Variants in COL6A6 observed in about 807,000 individuals in gnomAD.
COL6A6 encodes the protein collagen alpha-6(VI) chain.
In COL6A6, 183 loss-of-function variants were observed where a neutral mutation model predicts 208.6. The ratio of observed to expected loss-of-function variants is 0.88; its 90% CI spans 0.78 to 0.99. The LOEUF (loss-of-function observed/expected upper bound fraction) is 0.99, where lower values mean the gene tolerates loss of function less well. Among genes scored for constraint, COL6A6 ranks in the 50% least tolerant of loss-of-function variants. The probability of loss-of-function intolerance (pLI) is 0.00; values close to 1 mark genes in which losing one functional copy is unlikely to be tolerated. For synonymous variants in COL6A6, 973 were observed against 1,011.8 expected (o/e 0.96, Z 0.73); for missense variants, 2,816 against 2,815.2 (o/e 1.00, Z -0.01).
intron 18 of COL6A6, among the ~76,000 whole-genome samples, chr3:130,597,778 A>AT (rs1470215751): frequency 6.6e-6 from 1 of 152,132 alleles, no homozygotes; most frequent in Non-Finnish European, 1.5e-5. Flanking sequence ...AAATTTCAGG[A>AT]TTTTTTGGAA....
chr3:130,566,594 C>T (rs1228692286), intron 4 of COL6A6, 108 bp from the exon 5 acceptor site: 2 of 872,706 alleles, frequency 2.3e-6, no homozygotes, highest in Admixed American at 2.9e-5. Context: ...GAAGCTGTTT[C>T]CCATTTTTCT....
chr3:130,539,973 G>A (rs2062322419), intron 1 of COL6A6, among the ~76,000 whole-genome samples: 1 of 152,082 alleles, frequency 6.6e-6, no homozygotes, highest in Admixed American at 6.5e-5. Flanking sequence ...CTAACCCACA[G>A]TTCATTACAT....
intron 1 of COL6A6, among the ~76,000 whole-genome samples, chr3:130,549,923 A>C (rs998500367): frequency 6.6e-6 from 1 of 152,190 alleles, no homozygotes; most frequent in Non-Finnish European, 1.5e-5. Context: ...TCTGAAGAAT[A>C]TCATTGCTAG....
intron 28 of COL6A6, among the ~76,000 whole-genome samples, chr3:130,640,089 AGAG>A (rs201830590): frequency 0.015 from 2,339 of 152,328 alleles, 38 homozygotes; most frequent in Non-Finnish European, 0.021. Context: ...TTGAGAATAG[AGAG>A]GAGATTTGGA....
rs759085086 is a variant in COL6A6 at position 130,570,996 on chromosome 3, G to A, written c.2580G>A (p.Leu860=). 1 of 1,614,028 alleles carries A rather than the reference G, an allele frequency of 6.2e-7. No homozygotes were observed. The highest frequency in any genetic ancestry group is 1.1e-5 in the South Asian group (1 of 91,080). ...AGTATGCTGATGACCCAGAGGTGCT[G>A]TTTTATCTGGATGACTTTGGCACAA... ...ALKYADDPEV[L]FYLDDFGTKL... Residue 860 remains leucine (L), a synonymous_variant, in exon 7 of 37, where the codon CTG becomes CTA. Transcript: ENST00000358511.
chr3:130,585,905 G>A (rs2063529446), intron 10 of COL6A6, among the ~76,000 whole-genome samples: 1 of 152,212 alleles, frequency 6.6e-6, no homozygotes. Context: ...CCCAGGTGAT[G>A]CCAGTGCTGC....
chr3:130,634,242 T>TAA (rs202193097), intron 26 of COL6A6, among the ~76,000 whole-genome samples: 4 of 23,806 alleles, frequency 1.7e-4, no homozygotes, highest in East Asian at 1.0e-3. Context: ...AATAAATAAA[T>TAA]AAAAAAAAAA....
chr3:130,670,311 G>A (rs2066180302), intron 36 of COL6A6, among the ~76,000 whole-genome samples: 1 of 152,216 alleles, frequency 6.6e-6, no homozygotes, highest in African/African-American at 2.4e-5. Context: ...TGTTAAAGCA[G>A]TGTTTTCACC....
chr3:130,649,199 G>A lies in COL6A6; in HGVS notation c.5370G>A (p.Arg1790=). 1 of 1,593,978 alleles carries A rather than the reference G, an allele frequency of 6.3e-7. No homozygotes were observed. The highest frequency in any genetic ancestry group is 8.5e-7 in the Non-Finnish European group (1 of 1,170,086). The change falls in exon 33 of 37, where the codon CGG becomes CGA. Residue 1790 remains arginine, a synonymous_variant. Transcript: ENST00000358511. ...TCCTGGTGAGAGACATTAAGGTCCG[G>A]GAGAACAGCTGCCCCGTGGGAGCGC... ...MAFLVRDIKV[R]ENSCPVGAHI... is the part of the protein sequence containing the mutation.
chr3:130,569,734 C>T (rs2063115085), intron 6 of COL6A6, among the ~76,000 whole-genome samples: 1 of 152,162 alleles, frequency 6.6e-6, no homozygotes, highest in South Asian at 2.1e-4. Context: ...AAGCAGGCTT[C>T]CCAGGCAGTC....
At chr3:130,560,126 C>A (rs769475540) in intron 1 of COL6A6, among the ~76,000 whole-genome samples, 1 of 152,136 alleles carries the variant, frequency 6.6e-6, no homozygotes, top group African/African-American at 2.4e-5. Flanking sequence ...TCTACTAGGT[C>A]TGGGGACAAG....
At chr3:130,654,992 G>A (rs2065750282) in intron 33 of COL6A6, among the ~76,000 whole-genome samples, 1 of 152,122 alleles carries the variant, frequency 6.6e-6, no homozygotes, top group South Asian at 2.1e-4. Flanking sequence ...GGGTTCAGGT[G>A]GAGCCATTAG....
Position 130,661,924 on chromosome 3 carries a change from A to G in COL6A6, c.6118A>G (p.Ser2040Gly). ...RAEFNLTTYR[S>G]KRLMKRHVHE... ...TGAGTTCAATCTTACCACCTACAGA[A>G]GTAAGCGCCTCATGAAGAGGCATGT... is the stretch of plus-strand genomic sequence containing the variant. Residue 2040 changes from serine (S) to glycine (G), a missense_variant, in exon 35 of 37, where the codon AGT (serine) becomes GGT (glycine). Physicochemically the swap from Ser to Gly is moderately conservative, Grantham distance 56 (BLOSUM62 0). Transcript: ENST00000358511. 4 of 1,614,022 alleles carry G rather than the reference A, an allele frequency of 2.5e-6. No homozygotes were observed. The highest frequency in any genetic ancestry group is 3.4e-6 in the Non-Finnish European group (4 of 1,179,884).
chr3:130,670,234 C>G (rs1019096301), intron 36 of COL6A6, among the ~76,000 whole-genome samples: 1 of 152,196 alleles, frequency 6.6e-6, no homozygotes, highest in Admixed American at 6.5e-5. Flanking sequence ...GGGACATAGA[C>G]AAGATGCCGT....
In COL6A6 at chr3:130,571,279, G is replaced by C. The variant is rs201493927; in HGVS notation, c.2863G>C (p.Glu955Gln). 57 of 1,614,040 alleles carry C rather than the reference G, an allele frequency of 3.5e-5. No individual in the cohort carries two copies. Among genetic ancestry groups the C allele is most frequent in the Non-Finnish European group, 3.3e-5 (39 of 1,179,878 alleles). Residue 955 changes from glutamate to glutamine, a missense_variant, in exon 7 of 37, where the codon GAG becomes CAG. By Grantham distance (29) the Glu-to-Gln change is conservative (BLOSUM62 2). Transcript: ENST00000358511. The stretch of plus-strand genomic sequence containing the variant: ...GGGGATTGATGGTGCCAATCCCGTG[G>C]AGCTGTTAGCCATGGCAGGATCAAG... ...AVGIDGANPV[E>Q]LLAMAGSSDK...
chr3:130,592,666 C>T (rs764053150), intron 14 of COL6A6, 30 bp from the exon 15 acceptor site: 1 of 1,612,738 alleles, frequency 6.2e-7, no homozygotes, highest in Non-Finnish European at 8.5e-7. Flanking sequence ...CATTTTCCTA[C>T]ACTAACTATA....
chr3:130,553,842 T>G (rs1404440696), intron 1 of COL6A6, among the ~76,000 whole-genome samples: 8 of 89,146 alleles, frequency 9.0e-5, no homozygotes, highest in Admixed American at 4.2e-4. Flanking sequence ...TGGGTTTTTT[T>G]TGTGTTTTTT....
chr3:130,626,062 T>A (rs879122753), intron 24 of COL6A6, among the ~76,000 whole-genome samples: 1 of 152,200 alleles, frequency 6.6e-6, no homozygotes, highest in Admixed American at 6.5e-5. Flanking sequence ...GTTCTACTAG[T>A]CAGAAGTTAG....
chr3:130,627,497 G>T, intron 26 of COL6A6, 128 bp downstream of exon 26: 1 of 758,878 alleles, frequency 1.3e-6, no homozygotes, highest in Non-Finnish European at 2.3e-6. Context: ...ATATATTTCA[G>T]TAATTTATTT....
Sources: allele counts gnomAD v4.1 joint callset (sites outside exome capture counted in the v4.1 genomes callset), GRCh38; gene constraint gnomAD v4.1.1; transcripts MANE v1.5; gene names NCBI Gene and HGNC (gene_info 2026-07-23, HGNC 2026-07-21).